Variants in TGFBRAP1 observed in about 807,000 individuals in gnomAD.
TGFBRAP1 encodes transforming growth factor beta receptor associated protein 1.
TGFBRAP1 carries 20 observed loss-of-function variants against 83.2 expected under a neutral mutation model. That is an observed-to-expected ratio of 0.24 (90% CI 0.17 to 0.35). The LOEUF (loss-of-function observed/expected upper bound fraction) is 0.35, where lower values mean the gene tolerates loss of function less well. Among genes scored for constraint, TGFBRAP1 ranks in the 10% least tolerant of loss-of-function variants. The probability of loss-of-function intolerance (pLI) is 1.00; values close to 1 mark genes in which losing one functional copy is unlikely to be tolerated. For missense variants in TGFBRAP1, 950 were observed against 1,099.4 expected (o/e 0.86, Z 1.92); for synonymous variants, 415 against 459.8 (o/e 0.90, Z 1.25).
At chr2:105,251,078 C>G in the TGFBRAP1 span, among the ~76,000 whole-genome samples, 117 of 152,290 alleles carry the variant, frequency 7.7e-4, 1 homozygote, top group Admixed American at 6.9e-3. Context: ...GCCGCCACCC[C>G]GTCTGGAAAG....
rs1046698601 is a variant in TGFBRAP1 at position 105,269,979 on chromosome 2, C to G, written c.1973-274G>C. 2.6e-5 allele frequency among the ~76,000 whole-genome samples: 4 copies of G among 152,156 alleles called. No homozygotes were observed. Among genetic ancestry groups the G allele is most frequent in the African/African-American group, 9.7e-5 (4 of 41,430 alleles). ...TCTAGTGTTCAGAGGATGAAAAGAACAAATGAACCACAACTACAGAAAGGC... is the reference window on the plus strand; with the variant it reads ...TCTAGTGTTCAGAGGATGAAAAGAAGAAATGAACCACAACTACAGAAAGGC... On this transcript the variant is annotated intron_variant, in intron 10 of 11. Transcript: ENST00000393359. The surrounding 1 kb of genome is among the most constrained non-coding windows in gnomAD (Gnocchi z 4.1).
chr2:105,314,949 CAAAA>C (rs34579505), intron 1 of TGFBRAP1, among the ~76,000 whole-genome samples: 2 of 88,810 alleles, frequency 2.3e-5, no homozygotes, highest in Non-Finnish European at 2.2e-5. Flanking sequence ...GACTCTGTCT[CAAAA>C]AAAAAAAAAA....
At chr2:105,257,364 A>T in the TGFBRAP1 span, among the ~76,000 whole-genome samples, 77 of 152,222 alleles carry the variant, frequency 5.1e-4, no homozygotes, top group African/African-American at 1.6e-3. Context: ...TTGTTATGCA[A>T]TCATCACCAC....
chr2:105,297,488 T>C (rs1177604847), intron 3 of TGFBRAP1, among the ~76,000 whole-genome samples: 1 of 152,212 alleles, frequency 6.6e-6, no homozygotes, highest in Non-Finnish European at 1.5e-5. Flanking sequence ...TTAGCCCACT[T>C]AATGGCAGGA....
rs368142970 is a variant in TGFBRAP1 at position 105,267,562 on chromosome 2, G to T, written c.2407-3C>A. On this transcript the variant is annotated splice_polypyrimidine_tract_variant and splice_region_variant and intron_variant, in intron 11 of 11. Transcript: ENST00000393359. ...ATTGAGCTTCCTTTCAACTTCATCT[G>T]CAAGAAGAAACCAAGACTGAGAATG... is the stretch of plus-strand genomic sequence containing the variant. 1 of 1,614,136 alleles carries T rather than the reference G, an allele frequency of 6.2e-7. No individual in the cohort carries two copies. Among genetic ancestry groups the T allele is most frequent in the East Asian group, 2.2e-5 (1 of 44,882 alleles).
chr2:105,269,772 C>T lies in TGFBRAP1; in HGVS notation c.1973-67G>A. On this transcript the variant is annotated intron_variant, in intron 10 of 11. Transcript: ENST00000393359. This position sits in a 1 kb window ranked among gnomAD's most constrained non-coding sequence, Gnocchi z 4.1. ...CGGCCACCCGCCCAGCGACTGGCCT[C>T]CTTGCTGCTCTGGGCTTCAGGAGGG... 7.0e-7 allele frequency: 1 copy of T among 1,420,750 alleles called. No individual in the cohort carries two copies. The highest frequency in any genetic ancestry group is 9.2e-7 in the Non-Finnish European group (1 of 1,086,262). 88.0% of individuals were successfully genotyped at this position (1,420,750 alleles called of 1,614,324 possible).
chr2:105,268,767 AG>A (rs1677035680), intron 11 of TGFBRAP1, among the ~76,000 whole-genome samples: 1 of 152,240 alleles, frequency 6.6e-6, no homozygotes, highest in Non-Finnish European at 1.5e-5. Context: ...AGTCTCCCGA[AG>A]GTGAGTACAG....
rs1676983588 is a variant in TGFBRAP1, at chr2:105,267,420, G to C, written c.2546C>G (p.Thr849Arg). 1.2e-6 allele frequency: 2 copies of C among 1,614,246 alleles called. No homozygotes were observed. The highest frequency in any genetic ancestry group is 8.5e-7 in the Non-Finnish European group (1 of 1,180,058). Residue 849 changes from threonine to arginine, a missense_variant, in exon 12 of 12, where the codon ACA becomes AGA. Physicochemically the swap from Thr to Arg is moderately conservative, Grantham distance 71. Transcript: ENST00000393359. ...GCCAGGACTGGATGAGCTGGGGTTT[G>C]TGTGTCTGCTGGCGGCACAGTGGGT... ...VHTHCAASRH[T>R]NPSSSSPGTR...
intron 11 of TGFBRAP1, 190 bp from the exon 12 acceptor site, chr2:105,267,749 G>A: frequency 1.0e-6 from 1 of 985,426 alleles, no homozygotes; most frequent in Middle Eastern, 5.2e-4. Context: ...AACTGGACAA[G>A]GAAGAAAGTT....
chr2:105,289,240 T>C (rs558698218), intron 4 of TGFBRAP1, among the ~76,000 whole-genome samples: 1 of 151,914 alleles, frequency 6.6e-6, no homozygotes, highest in South Asian at 2.1e-4. Flanking sequence ...GGGAAGGATA[T>C]ACACAAAAAA....
intron 6 of TGFBRAP1, among the ~76,000 whole-genome samples, chr2:105,279,671 A>G (rs984134287): frequency 2.8e-5 from 4 of 140,934 alleles, no homozygotes; most frequent in Non-Finnish European, 4.9e-5. Context: ...ACTAAAATGC[A>G]CTGTAAATTT....
chr2:105,284,174 G>A, intron 5 of TGFBRAP1, 142 bp downstream of exon 5: 1 of 719,478 alleles, frequency 1.4e-6, no homozygotes, highest in Non-Finnish European at 2.4e-6. Flanking sequence ...GGGGTCTGCT[G>A]TCACGAGCTA....
chr2:105,278,826 T>G (rs1377199143), intron 6 of TGFBRAP1, among the ~76,000 whole-genome samples: 1 of 152,014 alleles, frequency 6.6e-6, no homozygotes, highest in Non-Finnish European at 1.5e-5. Context: ...ACTCTACGGA[T>G]CCCACCATCC....
intron 4 of TGFBRAP1, among the ~76,000 whole-genome samples, chr2:105,285,186 T>G (rs1677674681): frequency 6.6e-6 from 1 of 152,186 alleles, no homozygotes; most frequent in Non-Finnish European, 1.5e-5. Context: ...GCCTCATGAG[T>G]AAAGACTGTG....
intron 2 of TGFBRAP1, among the ~76,000 whole-genome samples, chr2:105,299,832 G>A (rs1678222269): frequency 6.6e-6 from 1 of 152,072 alleles, no homozygotes; most frequent in Non-Finnish European, 1.5e-5. Flanking sequence ...AGCAGTAACT[G>A]GCAAAAGAGG....
At chr2:105,307,364 C>T (rs1302583975) in intron 2 of TGFBRAP1, among the ~76,000 whole-genome samples, 1 of 152,210 alleles carries the variant, frequency 6.6e-6, no homozygotes, top group Non-Finnish European at 1.5e-5. Flanking sequence ...CCCGGTAACA[C>T]CACCAGAGCT....
intron 4 of TGFBRAP1, 43 bp from the exon 5 acceptor site, chr2:105,284,441 C>A: frequency 6.3e-7 from 1 of 1,580,956 alleles, no homozygotes; most frequent in Non-Finnish European, 8.7e-7. Flanking sequence ...AATCTTGAAA[C>A]CATCACGGCA....
intron 2 of TGFBRAP1, 36 bp from the exon 3 acceptor site, chr2:105,298,741 A>G (rs2104376350): frequency 2.0e-6 from 3 of 1,522,932 alleles, no homozygotes; most frequent in East Asian, 2.3e-5. Flanking sequence ...TAGGCTTCCA[A>G]ATAAGCATGG....
intron 1 of TGFBRAP1, among the ~76,000 whole-genome samples, chr2:105,323,082 C>T (rs1372004781): frequency 6.6e-6 from 1 of 152,192 alleles, no homozygotes; most frequent in Non-Finnish European, 1.5e-5. Flanking sequence ...TGGTATGCAA[C>T]ACAGTGGGAC....
Sources: gnomAD v4.1 joint callset for allele counts (sites outside exome capture counted in the v4.1 genomes callset) on GRCh38, gnomAD v4.1.1 for gene constraint, Gnocchi (gnomAD v3.1) non-coding constraint, MANE v1.5 for transcripts, NCBI Gene and HGNC (gene_info 2026-07-23, HGNC 2026-07-21) for gene names.